The following RELN variants were observed in gnomAD, a reference collection of about 807,000 sequenced individuals.
The protein encoded by RELN is reelin.
RELN carries 108 observed loss-of-function variants against 427.6 expected under a neutral mutation model. The ratio of observed to expected loss-of-function variants is 0.25; its 90% CI spans 0.22 to 0.30. The LOEUF (loss-of-function observed/expected upper bound fraction) is 0.30. Ranked by LOEUF, RELN falls within the 10% of genes least tolerant of loss-of-function variation. The pLI is 1.00. For missense variants in RELN, 3,715 were observed against 4,302.8 expected, an observed-to-expected ratio of 0.86 and a Z score of 3.82; for synonymous variants, 1,524 against 1,513.4, an observed-to-expected ratio of 1.01 and a Z score of -0.16.
intron 10 of RELN, among the ~76,000 whole-genome samples, chr7:103,695,531 C>G (rs925628784): frequency 2.6e-5 from 4 of 152,048 alleles, no homozygotes; most frequent in Non-Finnish European, 5.9e-5. Context: ...ACTACCGAAG[C>G]AAAACCACAC....
intron 2 of RELN, among the ~76,000 whole-genome samples, chr7:103,873,157 C>T (rs1330528341): frequency 1.8e-4 from 27 of 150,054 alleles, no homozygotes; most frequent in East Asian, 8.1e-4. Flanking sequence ...TTGAAACCAA[C>T]GAGAACAAAG....
At chr7:103,693,092 C>T (rs1055791578) in intron 10 of RELN, among the ~76,000 whole-genome samples, 2 of 152,052 alleles carry the variant, frequency 1.3e-5, no homozygotes, top group Non-Finnish European at 2.9e-5. Flanking sequence ...TTGGAACCAA[C>T]CCAAATGCCC....
rs1424523768 is a variant in RELN at position 103,728,168 on chromosome 7, G to T, written c.696C>A (p.Gly232=). 1.9e-6 allele frequency: 3 copies of T among 1,613,780 alleles called. No individual in the cohort carries two copies. The highest frequency in any genetic ancestry group is 2.2e-5 in the South Asian group (2 of 91,082). Residue 232 remains glycine (G), a synonymous_variant, in exon 7 of 65, where the codon GGC becomes GGA. Transcript: ENST00000428762. ...TGACGGCATTGCCATGCATAATCGCGCCACACTGTTCTCCAGTCTCACAGT... is the reference window on the plus strand; with the variant it reads ...TGACGGCATTGCCATGCATAATCGCTCCACACTGTTCTCCAGTCTCACAGT... ...CNNCETGEQC[G]AIMHGNAVTF... is the part of the protein sequence containing the mutation.
intron 27 of RELN, among the ~76,000 whole-genome samples, chr7:103,590,863 CAT>C (rs1431558825): frequency 6.6e-6 from 1 of 152,178 alleles, no homozygotes; most frequent in Admixed American, 6.5e-5. Flanking sequence ...AGTTATTACA[CAT>C]CTAGAGCTTT....
chr7:103,773,100 T>TTCCTTCC (rs1791611584), intron 4 of RELN, among the ~76,000 whole-genome samples: 73 of 128,706 alleles, frequency 5.7e-4, no homozygotes, highest in African/African-American at 2.1e-3. Flanking sequence ...GGTTCTCCTC[T>TTCCTTCC]TTTCTTTCTT....
At chr7:103,681,218 G>A (rs1420001507) in intron 11 of RELN, among the ~76,000 whole-genome samples, 1 of 152,116 alleles carries the variant, frequency 6.6e-6, no homozygotes, top group East Asian at 1.9e-4. Flanking sequence ...ACAGGACAGG[G>A]AGCGCAAAAG....
In RELN at chr7:103,953,933, A is replaced by G. The variant is rs1459480048; in HGVS notation, c.226+35198T>C. Among the ~76,000 whole-genome samples, 4 of 152,090 alleles carry G rather than the reference A, an allele frequency of 2.6e-5. No individual in the cohort carries two copies. In the South Asian group the frequency reaches 6.2e-4, roughly 24 times the overall value. On this transcript the variant is annotated intron_variant, in intron 1 of 64. Transcript: ENST00000428762. The surrounding 1 kb of genome is among the most constrained non-coding windows in gnomAD (Gnocchi z 4.3). Reference sequence around the variant, plus strand: ...TGCGGCAGAGCAAGACTCCATCTCAAAAAAACAAAACAAACAACAATAACA... The same window carrying G: ...TGCGGCAGAGCAAGACTCCATCTCAGAAAAACAAAACAAACAACAATAACA...
intron 24 of RELN, among the ~76,000 whole-genome samples, chr7:103,596,966 G>A (rs1831552036): frequency 2.0e-5 from 3 of 152,116 alleles, no homozygotes; most frequent in African/African-American, 7.2e-5. Context: ...AAAACACTCT[G>A]AATCCTTACT....
intron 2 of RELN, among the ~76,000 whole-genome samples, chr7:103,903,850 GT>G (rs113832977): frequency 1.3e-5 from 2 of 150,268 alleles, no homozygotes; most frequent in Non-Finnish European, 3.0e-5. Flanking sequence ...TTTTGTTTTT[GT>G]TTTTTTTTAA....
chr7:103,732,268 A>T (rs997622727), intron 6 of RELN, among the ~76,000 whole-genome samples: 6 of 152,110 alleles, frequency 3.9e-5, no homozygotes, highest in African/African-American at 1.4e-4. Flanking sequence ...TCCCTGGGGA[A>T]CAATCAGATT....
chr7:103,572,049 C>T (rs1830893247), intron 31 of RELN, 135 bp downstream of exon 31: 1 of 695,092 alleles, frequency 1.4e-6, no homozygotes, highest in East Asian at 2.7e-5. Context: ...GCCACCGATT[C>T]TACAAAGCAG....
At chr7:103,655,621 G>A (rs1164534320) in intron 12 of RELN, among the ~76,000 whole-genome samples, 2 of 152,090 alleles carry the variant, frequency 1.3e-5, no homozygotes, top group Non-Finnish European at 2.9e-5. Context: ...TGACTGATAT[G>A]TGATATTAAG....
intron 61 of RELN, among the ~76,000 whole-genome samples, chr7:103,485,100 G>A (rs10085862): frequency 0.013 from 2,007 of 152,130 alleles, 44 homozygotes; most frequent in African/African-American, 0.046. Flanking sequence ...ACTTAGAAAC[G>A]TATAAATGCA....
chr7:103,828,590 CCAGA>C (rs16707), intron 3 of RELN, among the ~76,000 whole-genome samples: 55,454 of 151,338 alleles, frequency 0.37, 10,494 homozygotes, highest in Non-Finnish European at 0.42. Flanking sequence ...GTATCTCTGT[CCAGA>C]CAGTTAAACC....
intron 63 of RELN, chr7:103,482,153 T>C (rs76988753): frequency 6.6e-6 from 1 of 152,326 alleles, no homozygotes; most frequent in African/African-American, 2.4e-5. Flanking sequence ...CATTTTGGAT[T>C]TGGTAAACAG....
At chr7:103,523,136 C>T (rs1584262671) in intron 47 of RELN, among the ~76,000 whole-genome samples, 1 of 152,250 alleles carries the variant, frequency 6.6e-6, no homozygotes, top group Non-Finnish European at 1.5e-5. Flanking sequence ...CACAGAAACA[C>T]AGAAGGAAAT....
chr7:103,954,459 C>T (rs909718660), intron 1 of RELN, among the ~76,000 whole-genome samples: 2 of 134,880 alleles, frequency 1.5e-5, no homozygotes, highest in Admixed American at 7.5e-5. Context: ...TGTGTGTGTG[C>T]ACACACATGC....
intron 7 of RELN, among the ~76,000 whole-genome samples, chr7:103,726,303 C>T (rs900750565): frequency 1.3e-5 from 2 of 152,118 alleles, no homozygotes; most frequent in East Asian, 1.9e-4. Flanking sequence ...TGGACATCAT[C>T]GCCATCATTC....
chr7:103,695,799 A>G (rs1464295194), intron 10 of RELN, among the ~76,000 whole-genome samples: 1 of 152,134 alleles, frequency 6.6e-6, no homozygotes, highest in Admixed American at 6.6e-5. Flanking sequence ...TGGTAGTGGG[A>G]TATGACATAC....
Sources: gnomAD v4.1 joint callset for allele counts (sites outside exome capture counted in the v4.1 genomes callset) on GRCh38, gnomAD v4.1.1 for gene constraint, Gnocchi (gnomAD v3.1) non-coding constraint, MANE v1.5 for transcripts, NCBI Gene and HGNC (gene_info 2026-07-23, HGNC 2026-07-21) for gene names.